ZNF529: variants seen among roughly 807,000 people sequenced by gnomAD.
ZNF529 encodes the protein zinc finger protein 529.
ZNF529 carries 11 observed loss-of-function variants against 10.1 expected under a neutral mutation model. The observed-to-expected ratio is 1.09, with a 90% CI of 0.69 to 1.81. The LOEUF (loss-of-function observed/expected upper bound fraction) is 1.81. Ranked by LOEUF, ZNF529 falls within the 40% of genes most tolerant of loss-of-function variation. ZNF529 has a pLI of 0.00. For synonymous variants in ZNF529, 204 were observed against 215.7 expected (o/e 0.95, Z 0.47); for missense variants, 624 against 666.8 (o/e 0.94, Z 0.71).
intron 2 of ZNF529, among the ~76,000 whole-genome samples, chr19:36,556,957 T>C (rs906980277): frequency 6.6e-6 from 1 of 152,198 alleles, no homozygotes; most frequent in African/African-American, 2.4e-5. Flanking sequence ...TGATTAGAGA[T>C]GTATATTATA....
At chr19:36,548,473 A>G (rs1225893799) in intron 4 of ZNF529, among the ~76,000 whole-genome samples, 151 bp from the exon 5 acceptor site, 4 of 152,254 alleles carry the variant, frequency 2.6e-5, no homozygotes, top group East Asian at 1.9e-4. Flanking sequence ...ACAGCAGAAC[A>G]TAAAGATTAT....
intron 2 of ZNF529, among the ~76,000 whole-genome samples, chr19:36,584,457 T>A (rs1026429532): frequency 6.6e-6 from 1 of 152,026 alleles, no homozygotes; most frequent in Non-Finnish European, 1.5e-5. Flanking sequence ...ACAAATTAGA[T>A]CAAAAGCACC....
chr19:36,605,292 C>G, upstream of ZNF529: 1 of 152,486 alleles, frequency 6.6e-6, no homozygotes, highest in East Asian at 1.9e-4. Flanking sequence ...GGAGCTCAGG[C>G]CCACGCGCGA....
At chr19:36,548,998 G>A (rs2912445) in intron 4 of ZNF529, among the ~76,000 whole-genome samples, 56,667 of 151,916 alleles carry the variant, frequency 0.37, 11,131 homozygotes, top group African/African-American at 0.5. Flanking sequence ...GCGAGAGTCC[G>A]TCTCAAAAAA....
Position 36,554,690 on chromosome 19 carries a change from T to G in ZNF529, c.215A>C (p.Tyr72Ser). 1 of 1,567,818 alleles carries G rather than the reference T, an allele frequency of 6.4e-7. No individual in the cohort carries two copies. The highest frequency in any genetic ancestry group is 8.7e-7 in the Non-Finnish European group (1 of 1,155,028). Residue 72 changes from tyrosine to serine, a missense_variant, in exon 4 of 5, where the codon TAC (tyrosine) becomes TCC (serine). Tyr to Ser is a moderately radical substitution (Grantham distance 144). Transcript: ENST00000591340. ...NLYWDVMMEN[Y>S]SNLLSLDLES... The stretch of plus-strand genomic sequence containing the variant: ...TTTACCCAGTGAGAGTAAGTTGCTG[T>G]AGTTCTCCATCATCACATCCCAGTA...
chr19:36,575,828 CAT>C (rs1600328121), upstream of ZNF529, among the ~76,000 whole-genome samples: 2 of 151,658 alleles, frequency 1.3e-5, no homozygotes, highest in Non-Finnish European at 2.9e-5. Flanking sequence ...AGAGGTTTCA[CAT>C]GTGTTTTTTT....
At chr19:36,577,062 C>T, upstream of ZNF529, 1 of 381,630 alleles carries the variant, frequency 2.6e-6, no homozygotes, top group Non-Finnish European at 5.3e-6. Flanking sequence ...AAGTGACTCT[C>T]CCATTTCAGT....
chr19:36,598,513 TA>T (rs906430020), intron 1 of ZNF529, among the ~76,000 whole-genome samples: 1,616 of 142,782 alleles, frequency 0.011, 16 homozygotes, highest in African/African-American at 0.031. Context: ...CCCTGTCTCT[TA>T]AAAAAAAAAA....
At chr19:36,566,467 C>G (rs920591594) in intron 2 of ZNF529, among the ~76,000 whole-genome samples, 5 of 152,072 alleles carry the variant, frequency 3.3e-5, no homozygotes. Context: ...GCAGGCAGAT[C>G]GCTTGAGCCC....
chr19:36,545,599 AAGAG>A lies in ZNF529; in HGVS notation c.*1263_*1266del, dbSNP rs1477152738. 2.0e-5 allele frequency: 3 copies of A among 152,192 alleles called. No homozygotes were observed. The highest frequency in any genetic ancestry group is 2.9e-5 in the Non-Finnish European group (2 of 68,044). The allele number at this position is 152,192 out of a possible 1,614,324, so 9.4% of individuals were successfully genotyped here. ...ACTGCATAACCAAGTCAGCAGTCCT[AAGAG>A]AGAGATGATTTTGGAGTTAAATGAG... is the stretch of plus-strand genomic sequence containing the variant. On this transcript the variant is annotated 3_prime_UTR_variant, in exon 5 of 5. Transcript: ENST00000591340.
chr19:36,604,317 C>T (rs2036982049), intron 1 of ZNF529, among the ~76,000 whole-genome samples: 1 of 152,178 alleles, frequency 6.6e-6, no homozygotes, highest in Non-Finnish European at 1.5e-5. Flanking sequence ...CATATCAGAA[C>T]ACAGCCTTGT....
intron 1 of ZNF529, 35 bp from the exon 2 acceptor site, chr19:36,572,427 T>C (rs1486292895): frequency 6.7e-7 from 1 of 1,491,496 alleles, no homozygotes; most frequent in Non-Finnish European, 9.1e-7. Flanking sequence ...ACTCATGACA[T>C]CCTGGACTGG....
At chr19:36,570,799 G>A (rs1830734874) in intron 2 of ZNF529, among the ~76,000 whole-genome samples, 1 of 152,066 alleles carries the variant, frequency 6.6e-6, no homozygotes, top group South Asian at 2.1e-4. Flanking sequence ...AAAATGTATG[G>A]GGAATACTAA....
At chr19:36,582,275 T>G (rs1014879896) in intron 2 of ZNF529, 2 of 152,202 alleles carry the variant, frequency 1.3e-5, no homozygotes, top group African/African-American at 2.4e-5. Flanking sequence ...TGCTGAGCTG[T>G]ATACTCAAAT....
chr19:36,548,278 C>A lies in ZNF529; in HGVS notation c.280G>T (p.Asp94Tyr), dbSNP rs2035129227. 4 of 1,607,648 alleles carry A rather than the reference C, an allele frequency of 2.5e-6. No homozygotes were observed. The highest frequency in any genetic ancestry group is 8.5e-7 in the Non-Finnish European group (1 of 1,176,530). ...NETKHLSVGK[D>Y]IIQNTGSQWE... is the part of the protein sequence containing the mutation. ...TGAGAACCAGTGTTTTGAATAATATCTTTTCCTACAGATAAATGCTTAGTC... is the reference window on the plus strand; with the variant it reads ...TGAGAACCAGTGTTTTGAATAATATATTTTCCTACAGATAAATGCTTAGTC... The change falls in exon 5 of 5, where the codon GAT (aspartate) becomes TAT (tyrosine). Residue 94 changes from aspartate to tyrosine, a missense_variant. Asp to Tyr is a radical substitution (Grantham distance 160). Coordinates refer to ENST00000591340, the MANE Select transcript of ZNF529 (RefSeq NM_020951.5).
chr19:36,583,526 C>G (rs939771821), intron 2 of ZNF529, among the ~76,000 whole-genome samples: 1 of 147,622 alleles, frequency 6.8e-6, no homozygotes, highest in African/African-American at 2.5e-5. Flanking sequence ...AAGCATACCT[C>G]TGCCCCACCG....
intron 2 of ZNF529, among the ~76,000 whole-genome samples, chr19:36,587,168 G>A (rs566516693): frequency 1.3e-5 from 2 of 152,060 alleles, no homozygotes; most frequent in Admixed American, 6.5e-5. Context: ...AGTAGGCTGA[G>A]GCAGGAGAAT....
intron 1 of ZNF529, among the ~76,000 whole-genome samples, chr19:36,595,603 T>C (rs1431996730): frequency 6.6e-6 from 1 of 151,450 alleles, no homozygotes; most frequent in Non-Finnish European, 1.5e-5. Flanking sequence ...GAGGTTGAGC[T>C]ACTTGAACAC....
chr19:36,555,035 G>A (rs958525153), intron 3 of ZNF529, among the ~76,000 whole-genome samples: 2 of 152,094 alleles, frequency 1.3e-5, no homozygotes, highest in Non-Finnish European at 1.5e-5. Context: ...AGCCAACCAT[G>A]TCTGGAAATT....
Sources: allele counts gnomAD v4.1 joint callset (sites outside exome capture counted in the v4.1 genomes callset), GRCh38; gene constraint gnomAD v4.1.1; transcripts MANE v1.5; gene names NCBI Gene and HGNC (gene_info 2026-07-23, HGNC 2026-07-21).